FARP2: variants seen among roughly 807,000 people sequenced by gnomAD.
FARP2 encodes the protein FERM, ARHGEF and pleckstrin domain-containing protein 2.
A neutral mutation model predicts 130.5 loss-of-function variants in FARP2; 111 were observed. That is an observed-to-expected ratio of 0.85 (90% CI 0.73 to 1.00). The LOEUF (loss-of-function observed/expected upper bound fraction) is 1.00. Ranked by LOEUF, FARP2 falls within the 50% of genes least tolerant of loss-of-function variation. The pLI, the probability that FARP2 is intolerant of heterozygous loss-of-function variation, is 0.00. For synonymous variants in FARP2, 504 were observed against 516.9 expected, an observed-to-expected ratio of 0.98 and a Z score of 0.34; for missense variants, 1,385 against 1,346.3, an observed-to-expected ratio of 1.03 and a Z score of -0.45.
intron 13 of FARP2, chr2:241,447,084 A>T (rs2063530500): frequency 6.6e-6 from 1 of 152,236 alleles, no homozygotes; most frequent in Non-Finnish European, 1.5e-5. Context: ...ATTTGCAGAT[A>T]TGTACTAATT....
chr2:241,384,948 A>G (rs1341904977), intron 2 of FARP2, among the ~76,000 whole-genome samples: 1 of 152,228 alleles, frequency 6.6e-6, no homozygotes, highest in African/African-American at 2.4e-5. Flanking sequence ...TTAAAAACAT[A>G]GAAAATAATA....
intron 2 of FARP2, among the ~76,000 whole-genome samples, chr2:241,400,231 G>A (rs1481327000): frequency 2.6e-5 from 4 of 151,790 alleles, no homozygotes; most frequent in Non-Finnish European, 5.9e-5. Flanking sequence ...AGTTGAAAAA[G>A]GGTACAGCTA....
At chr2:241,390,395 C>A (rs1275179942) in intron 2 of FARP2, among the ~76,000 whole-genome samples, 1 of 152,248 alleles carries the variant, frequency 6.6e-6, no homozygotes, top group Non-Finnish European at 1.5e-5. Context: ...GCTACAGCCC[C>A]TCTCCTAGGT....
chr2:241,367,823 T>C (rs981712125), intron 1 of FARP2, among the ~76,000 whole-genome samples: 6 of 151,944 alleles, frequency 3.9e-5, no homozygotes, highest in Non-Finnish European at 5.9e-5. Context: ...TAGCCAAGTC[T>C]GGGCCCAAGT....
At chr2:241,456,946 C>T in intron 14 of FARP2, 24 bp downstream of exon 14, 1 of 1,559,860 alleles carries the variant, frequency 6.4e-7, no homozygotes, top group Non-Finnish European at 8.7e-7. Context: ...GGCTGAGAAG[C>T]TAGCAGAGGG....
Position 241,431,755 on chromosome 2 carries a change from A to T in FARP2, c.848A>T (p.Lys283Ile), listed in dbSNP as rs747406898. The change falls in exon 9 of 27, where the codon AAA becomes ATA. Residue 283 changes from lysine (K) to isoleucine (I), a missense_variant. Transcript: ENST00000264042. Reference protein sequence around the residue: ...LSFKRKRFLIKLHPEVHGPYQ... With the variant: ...LSFKRKRFLIILHPEVHGPYQ... ...TTCAAGAGGAAAAGATTTCTTATCA[A>T]ACTTCATCCAGAGGTTCATGTAAGT... 13 of 1,531,528 alleles carry T rather than the reference A, an allele frequency of 8.5e-6. No individual in the cohort carries two copies. The highest frequency in any genetic ancestry group is 1.1e-5 in the South Asian group (1 of 87,608). 94.9% of individuals were successfully genotyped at this position (1,531,528 alleles called of 1,614,324 possible). A position where few individuals can be genotyped will look rare whatever the true frequency, so the allele number is the denominator to read the frequency against.
At chr2:241,432,670 T>G (rs1439971943) in intron 9 of FARP2, among the ~76,000 whole-genome samples, 1 of 152,202 alleles carries the variant, frequency 6.6e-6, no homozygotes, top group East Asian at 1.9e-4. Flanking sequence ...ACATATGAAT[T>G]TACTGAAATG....
At position 241,480,968 on chromosome 2, in the gene FARP2, C is replaced by G. The variant is rs562809931; in HGVS notation, c.2263-2497C>G. ...GCATAGTGGCTCAAGCCTATAGTCC[C>G]AGCACTTTGGGAGGCCACGGCAGAA... On this transcript the variant is annotated intron_variant, in intron 19 of 26. Transcript: ENST00000264042. 4.6e-5 allele frequency among the ~76,000 whole-genome samples: 7 copies of G among 151,160 alleles called. No individual in the cohort carries two copies. The East Asian group carries it at 1.2e-3, about 25-fold the overall frequency.
At chr2:241,483,599 A>C in intron 20 of FARP2, 66 bp downstream of exon 20, 3 of 1,517,856 alleles carry the variant, frequency 2.0e-6, no homozygotes, top group Non-Finnish European at 2.7e-6. Context: ...TCTGTTAGGG[A>C]CATCGCCTGC....
chr2:241,407,573 T>C lies in FARP2; in HGVS notation c.368T>C (p.Phe123Ser), dbSNP rs2062395709. 6.2e-7 allele frequency: 1 copy of C among 1,613,988 alleles called. No homozygotes were observed. Among genetic ancestry groups the C allele is most frequent in the Admixed American group, 1.7e-5 (1 of 60,002 alleles). Residue 123 changes from phenylalanine (F) to serine (S), a missense_variant, in exon 5 of 27, where the codon TTT (phenylalanine) becomes TCT (serine). Coordinates refer to ENST00000264042, the MANE Select transcript of FARP2 (RefSeq NM_014808.4). ...KNVVLRLAVK[F>S]FPPDPGQLQE... ...GTGGTGCTTCGCCTAGCTGTAAAATTTTTTCCACCTGATCCTGGTCAGCTA... is the reference window on the plus strand; with the variant it reads ...GTGGTGCTTCGCCTAGCTGTAAAATCTTTTCCACCTGATCCTGGTCAGCTA...
intron 13 of FARP2, among the ~76,000 whole-genome samples, chr2:241,453,522 T>C (rs2063739211): frequency 1.3e-5 from 2 of 150,822 alleles, no homozygotes; most frequent in African/African-American, 4.9e-5. Context: ...CTCGGGAGGC[T>C]GAGGCAGGAG....
chr2:241,418,187 A>G (rs974786047), intron 8 of FARP2, 78 bp downstream of exon 8: 2 of 1,498,312 alleles, frequency 1.3e-6, no homozygotes, highest in Non-Finnish European at 1.8e-6. Context: ...GTTCTTATAG[A>G]TGTTAGTAAA....
rs748635618 is a variant in FARP2 at position 241,441,439 on chromosome 2, C to G, written c.1294C>G (p.Pro432Ala). The G allele has an allele frequency of 6.2e-7, 1 of 1,614,086 alleles. No homozygotes were observed. Among genetic ancestry groups the G allele is most frequent in the Admixed American group, 1.7e-5 (1 of 59,998 alleles). ...FKDSSSSLTDPQVSYVKSPAA... is the reference protein window; with the variant it reads ...FKDSSSSLTDAQVSYVKSPAA... Reference sequence around the variant, plus strand: ...GGACAGCAGCAGCTCCCTCACAGATCCCCAGGTTTCCTACGTCAAGAGTCC... The same window carrying G: ...GGACAGCAGCAGCTCCCTCACAGATGCCCAGGTTTCCTACGTCAAGAGTCC... Residue 432 changes from proline to alanine, a missense_variant, in exon 13 of 27, where the codon CCC becomes GCC. Transcript: ENST00000264042.
intron 13 of FARP2, 155 bp downstream of exon 13, chr2:241,441,711 A>G (rs2063389004): frequency 8.6e-7 from 1 of 1,158,204 alleles, no homozygotes; most frequent in Non-Finnish European, 1.3e-6. Flanking sequence ...CCACAGGCTC[A>G]TTTCCTTCCG....
intron 2 of FARP2, among the ~76,000 whole-genome samples, chr2:241,389,894 T>A (rs1442959734): frequency 1.3e-5 from 2 of 152,192 alleles, no homozygotes; most frequent in African/African-American, 4.8e-5. Context: ...ATAGACTCAT[T>A]GAAATGTAAA....
At chr2:241,404,756 C>T in intron 3 of FARP2, 43 bp from the exon 4 acceptor site, 1 of 1,447,808 alleles carries the variant, frequency 6.9e-7, no homozygotes, top group Non-Finnish European at 9.7e-7. Flanking sequence ...TAAATAGAGA[C>T]ATTATTTAAT....
At chr2:241,477,358 G>A (rs1451703082) in intron 19 of FARP2, among the ~76,000 whole-genome samples, 4 of 151,986 alleles carry the variant, frequency 2.6e-5, no homozygotes, top group African/African-American at 9.7e-5. Context: ...TCAAGCTCTT[G>A]ACCTTGTGAT....
chr2:241,418,823 A>G (rs2062740777), intron 8 of FARP2, among the ~76,000 whole-genome samples: 1 of 152,196 alleles, frequency 6.6e-6, no homozygotes, highest in South Asian at 2.1e-4. Context: ...ATCTGAAGAA[A>G]GCTCTTGCGG....
rs1472919468 is a variant in FARP2, at chr2:241,415,401, A to G, written c.623+1980A>G. On this transcript the variant is annotated intron_variant, in intron 7 of 26. Coordinates refer to ENST00000264042, the MANE Select transcript of FARP2 (RefSeq NM_014808.4). Reference sequence around the variant, plus strand: ...GGTCACTGGTTCAGTCTGCATTCCTAGGGTTGGGGATAGTCTCTCCCTGCT... The same window carrying G: ...GGTCACTGGTTCAGTCTGCATTCCTGGGGTTGGGGATAGTCTCTCCCTGCT... 3.3e-5 allele frequency among the ~76,000 whole-genome samples: 5 copies of G among 152,036 alleles called. No homozygotes were observed. In the South Asian group the frequency reaches 1.0e-3, roughly 32 times the overall value.
Sources: allele counts gnomAD v4.1 joint callset (sites outside exome capture counted in the v4.1 genomes callset), GRCh38; gene constraint gnomAD v4.1.1; transcripts MANE v1.5; gene names NCBI Gene and HGNC (gene_info 2026-07-23, HGNC 2026-07-21).